The following AUTS2 variants were observed in gnomAD, a reference collection of about 807,000 sequenced individuals.
The protein encoded by AUTS2 is activator of transcription and developmental regulator AUTS2.
In AUTS2, 17 loss-of-function variants were observed where a neutral mutation model predicts 112.4. The ratio of observed to expected loss-of-function variants is 0.15; its 90% confidence interval spans 0.10 to 0.23. The LOEUF (loss-of-function observed/expected upper bound fraction) is 0.23. Among genes scored for constraint, AUTS2 ranks in the 10% least tolerant of loss-of-function variants. The pLI, the probability that AUTS2 is intolerant of heterozygous loss-of-function variation, is 1.00. For missense variants in AUTS2, 1,510 were observed against 1,701.6 expected (o/e 0.89, Z 1.98); for synonymous variants, 751 against 702.7 (o/e 1.07, Z -1.09).
At chr7:69,973,409 T>C (rs1248812659) in intron 2 of AUTS2, among the ~76,000 whole-genome samples, 1 of 152,236 alleles carries the variant, frequency 6.6e-6, no homozygotes, top group Non-Finnish European at 1.5e-5. Context: ...CTGATATCTA[T>C]GCTTTTTAAA....
Position 70,306,365 on chromosome 7 carries a change from A to G in AUTS2, c.661-129387A>G, listed in dbSNP as rs1044475485. Among the ~76,000 whole-genome samples, 11 of 152,272 alleles carry G rather than the reference A, an allele frequency of 7.2e-5. No individual in the cohort carries two copies. In the East Asian group the frequency reaches 1.5e-3, roughly 21 times the overall value. On this transcript the variant is annotated intron_variant, in intron 4 of 18. Coordinates refer to ENST00000342771, the MANE Select transcript of AUTS2 (RefSeq NM_015570.4). The stretch of plus-strand genomic sequence containing the variant: ...AACAGCTGGGCTTGGAGAAAACTCA[A>G]TTCTTGGAGCATGTGCTGTGTCTTG...
At chr7:70,567,252 A>G (rs1439324369) in intron 5 of AUTS2, among the ~76,000 whole-genome samples, 1 of 152,222 alleles carries the variant, frequency 6.6e-6, no homozygotes, top group Non-Finnish European at 1.5e-5. Context: ...ACACCTCATG[A>G]ATGTTGAATG....
intron 4 of AUTS2, among the ~76,000 whole-genome samples, chr7:70,324,214 T>A (rs1284832033): frequency 1.3e-5 from 2 of 152,180 alleles, no homozygotes; most frequent in Non-Finnish European, 2.9e-5. Flanking sequence ...GGCTTCTAAA[T>A]GGAATCAAGT....
At chr7:70,603,834 C>A (rs1803596154) in intron 5 of AUTS2, among the ~76,000 whole-genome samples, 1 of 152,164 alleles carries the variant, frequency 6.6e-6, no homozygotes, top group South Asian at 2.1e-4. Context: ...CCAGCCTCCC[C>A]CAGTTCCTCT....
At chr7:69,723,204 T>G (rs1799058826) in intron 1 of AUTS2, among the ~76,000 whole-genome samples, 1 of 152,004 alleles carries the variant, frequency 6.6e-6, no homozygotes, top group South Asian at 2.1e-4. Flanking sequence ...TCATTTGGAG[T>G]AGCAGAATCG....
At chr7:70,328,438 T>C (rs903374707) in intron 4 of AUTS2, among the ~76,000 whole-genome samples, 15 of 152,098 alleles carry the variant, frequency 9.9e-5, no homozygotes, top group Non-Finnish European at 1.6e-4. Context: ...CCTAGGCTGG[T>C]CTTGAACCCC....
chr7:70,001,710 A>ATTTTTT (rs35638538), intron 2 of AUTS2, among the ~76,000 whole-genome samples: 2 of 132,824 alleles, frequency 1.5e-5, no homozygotes, highest in African/African-American at 5.7e-5. Flanking sequence ...TCATTGTCAT[A>ATTTTTT]TTTTTTTTTT....
At chr7:69,691,909 A>G (rs943248029) in intron 1 of AUTS2, among the ~76,000 whole-genome samples, 1 of 152,140 alleles carries the variant, frequency 6.6e-6, no homozygotes, top group Non-Finnish European at 1.5e-5. Flanking sequence ...GAAGTTAGAC[A>G]TGAAGCCTCC....
intron 5 of AUTS2, among the ~76,000 whole-genome samples, chr7:70,536,260 G>A (rs1422637903): frequency 6.6e-6 from 1 of 152,178 alleles, no homozygotes; most frequent in African/African-American, 2.4e-5. Context: ...CTGCACTCCA[G>A]TATGAGTGAC....
chr7:69,858,424 T>C (rs2129531558), intron 1 of AUTS2, among the ~76,000 whole-genome samples: 1 of 152,286 alleles, frequency 6.6e-6, no homozygotes, highest in Middle Eastern at 3.4e-3. Context: ...CCCTGGCTGC[T>C]GAGATAGTCA....
chr7:70,398,886 C>A (rs1474457392), intron 4 of AUTS2, among the ~76,000 whole-genome samples: 1 of 151,704 alleles, frequency 6.6e-6, no homozygotes, highest in Non-Finnish European at 1.5e-5. Context: ...TTTTCTAATC[C>A]TGGTTTTCTG....
chr7:70,196,992 A>G (rs200867355), intron 4 of AUTS2, among the ~76,000 whole-genome samples: 31 of 152,222 alleles, frequency 2.0e-4, no homozygotes, highest in African/African-American at 7.2e-4. Flanking sequence ...GAGAAATAGC[A>G]TTACTACTGT....
chr7:70,429,183 G>A (rs770784486), intron 4 of AUTS2, among the ~76,000 whole-genome samples: 63 of 152,274 alleles, frequency 4.1e-4, no homozygotes, highest in Admixed American at 8.5e-4. Context: ...ATGCTGCATG[G>A]AATCAACCAC....
chr7:69,710,532 A>G (rs950246833), intron 1 of AUTS2, among the ~76,000 whole-genome samples: 1 of 152,194 alleles, frequency 6.6e-6, no homozygotes, highest in African/African-American at 2.4e-5. Flanking sequence ...TTTATGAGTA[A>G]GAGCAACCAC....
intron 1 of AUTS2, among the ~76,000 whole-genome samples, chr7:69,688,598 A>G (rs1797164310): frequency 6.6e-6 from 1 of 152,168 alleles, no homozygotes; most frequent in Non-Finnish European, 1.5e-5. Context: ...GCATTCCATC[A>G]TCTCAAACAT....
At chr7:69,740,208 A>C (rs908368376) in intron 1 of AUTS2, among the ~76,000 whole-genome samples, 6 of 152,020 alleles carry the variant, frequency 3.9e-5, no homozygotes, top group Admixed American at 3.9e-4. Context: ...TGCTTCTTCG[A>C]TGTTCTGTGG....
chr7:70,576,963 A>G (rs1036073181), intron 5 of AUTS2, among the ~76,000 whole-genome samples: 1 of 149,864 alleles, frequency 6.7e-6, no homozygotes, highest in Middle Eastern at 3.5e-3. Context: ...GGAGTAAGAC[A>G]AACCAGCAGA....
chr7:70,157,892 G>A (rs1166428948), intron 4 of AUTS2, among the ~76,000 whole-genome samples: 1 of 152,164 alleles, frequency 6.6e-6, no homozygotes, highest in East Asian at 1.9e-4. Flanking sequence ...CAATGGGAGT[G>A]GGAGGAGAGG....
At chr7:70,115,897 T>A (rs1478046979) in intron 2 of AUTS2, among the ~76,000 whole-genome samples, 1 of 152,024 alleles carries the variant, frequency 6.6e-6, no homozygotes, top group Non-Finnish European at 1.5e-5. Context: ...AAAAACATCT[T>A]GACATCAGAA....
Sources: gnomAD v4.1 joint callset for allele counts (sites outside exome capture counted in the v4.1 genomes callset) on GRCh38, gnomAD v4.1.1 for gene constraint, MANE v1.5 for transcripts, NCBI Gene and HGNC (gene_info 2026-07-23, HGNC 2026-07-21) for gene names.